Variants in PCDH15 observed in about 807,000 individuals in gnomAD.
The protein encoded by PCDH15 is protocadherin related 15, also known as protocadherin-15.
In PCDH15, 129 loss-of-function variants were observed where a neutral mutation model predicts 178.5. The observed-to-expected ratio is 0.72, with a 90% CI of 0.63 to 0.84. PCDH15 has a LOEUF of 0.84. PCDH15 is among the 40% of genes least tolerant of loss of function. The probability of loss-of-function intolerance (pLI) is 0.00; values close to 1 mark genes in which losing one functional copy is unlikely to be tolerated. For missense variants in PCDH15, 2,230 were observed against 2,099.9 expected, an observed-to-expected ratio of 1.06 and a Z score of -1.21; for synonymous variants, 800 against 732.0, an observed-to-expected ratio of 1.09 and a Z score of -1.50.
rs57997608 is a variant in PCDH15, at chr10:53,954,306, G to T, written c.3122+5426C>A. Among the ~76,000 whole-genome samples the T allele has an allele frequency of 5.1e-3, 782 of 152,104 alleles. 7 individuals carry two copies. The highest frequency in any genetic ancestry group is 0.018 in the African/African-American group (731 of 41,502). ...GTTTATTACTTGTGTCTATTATTTT[G>T]CTATTTTACAATTTTGGAAGAAGAC... On this transcript the variant is annotated intron_variant, in intron 23 of 37. Coordinates refer to ENST00000644397, the MANE Select transcript of PCDH15 (RefSeq NM_001384140.1).
At chr10:55,190,394 G>T (rs1839917306) in intron 1 of PCDH15, among the ~76,000 whole-genome samples, 1 of 151,640 alleles carries the variant, frequency 6.6e-6, no homozygotes, top group South Asian at 2.1e-4. Flanking sequence ...TCAAGGAAAA[G>T]CAAGCATTTT....
chr10:53,907,656 A>G (rs776820948), intron 25 of PCDH15, among the ~76,000 whole-genome samples: 1 of 152,166 alleles, frequency 6.6e-6, no homozygotes, highest in African/African-American at 2.4e-5. Context: ...TGGCTTTAGT[A>G]AGCCAGAAGT....
At chr10:53,912,297 C>T (rs1450268945) in intron 25 of PCDH15, among the ~76,000 whole-genome samples, 1 of 151,944 alleles carries the variant, frequency 6.6e-6, no homozygotes, top group Non-Finnish European at 1.5e-5. Flanking sequence ...GAACATTTCT[C>T]AAAATAAGAG....
chr10:54,579,654 T>TCTAC (rs1389923119), intron 2 of PCDH15, among the ~76,000 whole-genome samples: 1 of 152,032 alleles, frequency 6.6e-6, no homozygotes, highest in African/African-American at 2.4e-5. Context: ...TACAGAGCAC[T>TCTAC]CTACCCATCA....
chr10:55,292,746 G>A (rs570053166), intron 1 of PCDH15, among the ~76,000 whole-genome samples: 2 of 152,298 alleles, frequency 1.3e-5, no homozygotes, highest in Admixed American at 6.5e-5. Flanking sequence ...TCCAGGTCAC[G>A]CTGAAGCAAG....
chr10:54,461,906 T>G (rs2136472814), intron 3 of PCDH15, among the ~76,000 whole-genome samples: 1 of 152,226 alleles, frequency 6.6e-6, no homozygotes, highest in South Asian at 2.1e-4. Context: ...GGGTAAGAAC[T>G]TAATATTTAA....
intron 2 of PCDH15, among the ~76,000 whole-genome samples, chr10:55,604,492 G>A (rs1227523155): frequency 1.4e-5 from 2 of 147,828 alleles, no homozygotes; most frequent in Non-Finnish European, 3.0e-5. Context: ...CACATACTTG[G>A]AAGTAAAGCT....
intron 1 of PCDH15, among the ~76,000 whole-genome samples, chr10:54,713,814 G>C (rs1470907906): frequency 6.6e-6 from 1 of 151,962 alleles, no homozygotes; most frequent in African/African-American, 2.4e-5. Context: ...ACCTGAAAAG[G>C]CAAAACATGT....
At chr10:54,330,364 G>C (rs1420483107) in intron 6 of PCDH15, among the ~76,000 whole-genome samples, 1 of 151,832 alleles carries the variant, frequency 6.6e-6, no homozygotes. Context: ...GCATGTCACT[G>C]TACTGAATGC....
rs190756440 is a variant in PCDH15 at position 54,295,740 on chromosome 10, G to A, written c.876+21531C>T. 1.6e-3 allele frequency among the ~76,000 whole-genome samples: 250 copies of A among 152,284 alleles called. 1 individual carries two copies. The highest frequency in any genetic ancestry group is 3.6e-3 in the African/African-American group (150 of 41,560). ...AATTCCAGACACATTTGGCAACCAC[G>A]AAGGGATAATCACCAAGTAGTGAGT... On this transcript the variant is annotated intron_variant, in intron 8 of 37. Coordinates refer to ENST00000644397, the MANE Select transcript of PCDH15 (RefSeq NM_001384140.1).
intron 1 of PCDH15, among the ~76,000 whole-genome samples, chr10:55,170,085 T>G (rs961441789): frequency 2.9e-4 from 44 of 152,190 alleles, no homozygotes; most frequent in African/African-American, 9.9e-4. Flanking sequence ...ATGCTACAGA[T>G]TTTTTAATTT....
chr10:54,143,066 C>T (rs564691413), intron 14 of PCDH15, among the ~76,000 whole-genome samples: 14 of 152,154 alleles, frequency 9.2e-5, no homozygotes, highest in African/African-American at 3.1e-4. Context: ...CTCAAACCAA[C>T]CTTTTTGGAT....
intron 17 of PCDH15, among the ~76,000 whole-genome samples, chr10:54,078,655 A>C (rs547941867): frequency 6.6e-6 from 1 of 152,262 alleles, no homozygotes; most frequent in Admixed American, 6.5e-5. Context: ...TAACAATGGT[A>C]ATATTACAAT....
chr10:54,538,215 T>C (rs946542882), intron 2 of PCDH15, among the ~76,000 whole-genome samples: 1 of 152,166 alleles, frequency 6.6e-6, no homozygotes, highest in Non-Finnish European at 1.5e-5. Context: ...TAGTGTTTCC[T>C]AGGCTTCCTT....
chr10:54,550,765 C>T (rs527614251), intron 2 of PCDH15, among the ~76,000 whole-genome samples: 368 of 152,236 alleles, frequency 2.4e-3, no homozygotes, highest in African/African-American at 8.4e-3. Flanking sequence ...CTATTATAAT[C>T]TTTTAATGCT....
chr10:54,897,236 A>G (rs35181013), intron 3 of PCDH15, among the ~76,000 whole-genome samples: 1 of 152,204 alleles, frequency 6.6e-6, no homozygotes, highest in African/African-American at 2.4e-5. Flanking sequence ...ACTTGAATAA[A>G]CCAGCAAATA....
At chr10:54,203,932 T>C (rs1312912561) in intron 10 of PCDH15, among the ~76,000 whole-genome samples, 3 of 152,210 alleles carry the variant, frequency 2.0e-5, no homozygotes, top group Non-Finnish European at 4.4e-5. Context: ...TTAATTTTGC[T>C]GGAGGGCTAA....
At chr10:55,622,215 T>C (rs1257904147) in intron 2 of PCDH15, among the ~76,000 whole-genome samples, 1 of 131,868 alleles carries the variant, frequency 7.6e-6, no homozygotes, top group East Asian at 2.1e-4. Flanking sequence ...CTCACTATGC[T>C]GCCCAGGCTG....
At chr10:54,599,949 C>A in intron 2 of PCDH15, 1 of 961,218 alleles carries the variant, frequency 1.0e-6, no homozygotes, top group Non-Finnish European at 1.6e-6. Flanking sequence ...TGGTGGCAGA[C>A]ACCAAGGTGG....
Sources: allele counts gnomAD v4.1 joint callset (sites outside exome capture counted in the v4.1 genomes callset), GRCh38; gene constraint gnomAD v4.1.1; transcripts MANE v1.5; gene names NCBI Gene and HGNC (gene_info 2026-07-23, HGNC 2026-07-21).